PTK2: variants seen among roughly 807,000 people sequenced by gnomAD.
PTK2 encodes focal adhesion kinase 1.
PTK2 carries 45 observed loss-of-function variants against 150.1 expected under a neutral mutation model. The ratio of observed to expected loss-of-function variants is 0.30; its 90% CI spans 0.24 to 0.38. The LOEUF is 0.38. Ranked by LOEUF, PTK2 falls within the 10% of genes least tolerant of loss-of-function variation. The pLI, the probability that PTK2 is intolerant of heterozygous loss-of-function variation, is 1.00. For synonymous variants in PTK2, 432 were observed against 449.2 expected, an observed-to-expected ratio of 0.96 and a Z score of 0.48; for missense variants, 919 against 1,307.3, an observed-to-expected ratio of 0.70 and a Z score of 4.58.
At chr8:140,990,152 C>G (rs1053721925) in intron 1 of PTK2, among the ~76,000 whole-genome samples, 12 of 152,054 alleles carry the variant, frequency 7.9e-5, no homozygotes, top group African/African-American at 2.7e-4. Flanking sequence ...TACTACAGGC[C>G]AAGCACTCTT....
At chr8:140,764,108 T>A in intron 15 of PTK2, 126 bp downstream of exon 17, 1 of 834,516 alleles carries the variant, frequency 1.2e-6, no homozygotes, top group South Asian at 1.4e-5. Flanking sequence ...TTGAAAAGAA[T>A]ATTTCTGTTC....
intron 18 of PTK2, 40 bp downstream of exon 21, chr8:140,746,720 A>C: frequency 2.1e-6 from 3 of 1,455,388 alleles, no homozygotes; most frequent in Non-Finnish European, 2.8e-6. Flanking sequence ...AAAGATATCA[A>C]ACGCTGAGTC....
intron 2 of PTK2, among the ~76,000 whole-genome samples, chr8:140,895,765 A>G (rs2100155944): frequency 6.6e-6 from 1 of 152,168 alleles, no homozygotes; most frequent in Non-Finnish European, 1.5e-5. Flanking sequence ...GAGGTGATGG[A>G]TACCCCATTT....
At chr8:140,937,598 A>AC (rs912717553) in intron 1 of PTK2, among the ~76,000 whole-genome samples, 13 of 151,776 alleles carry the variant, frequency 8.6e-5, no homozygotes, top group Middle Eastern at 3.4e-3. Context: ...AAAAAAAAAA[A>AC]ACACAAAAAA....
At position 140,881,253 on chromosome 8, in the gene PTK2, A is replaced by T. The variant is rs532509115; in HGVS notation, c.196-1616T>A. 6.6e-5 allele frequency among the ~76,000 whole-genome samples: 10 copies of T among 152,312 alleles called. 1 individual carries two copies. The highest frequency in any genetic ancestry group is 2.0e-4 in the Admixed American group (3 of 15,302). ...ATCCAGCTGAGGGTGAAAAGAGTCC[A>T]CGTTCTAGTCTTTAAACCTTGTGCT... On this transcript the variant is annotated intron_variant, in intron 3 of 31. Transcript: ENST00000522684.
At chr8:140,666,328 A>G (rs1476700697) in intron 30 of PTK2, among the ~76,000 whole-genome samples, 1 of 152,162 alleles carries the variant, frequency 6.6e-6, no homozygotes. Context: ...CCTGGGTGAC[A>G]GAATGAGACT....
intron 1 of PTK2, among the ~76,000 whole-genome samples, chr8:140,999,735 T>C (rs1343063297): frequency 6.6e-6 from 1 of 152,192 alleles, no homozygotes; most frequent in Admixed American, 6.5e-5. Flanking sequence ...TCATTACCCG[T>C]TTCCCAAATA....
intron 1 of PTK2, among the ~76,000 whole-genome samples, chr8:140,996,852 T>A (rs143111935): frequency 1.2e-3 from 182 of 152,308 alleles, no homozygotes; most frequent in South Asian, 2.5e-3. Context: ...TAACACCACA[T>A]CCATTCTACA....
At chr8:140,921,752 ATAAG>A (rs1293952409) in intron 2 of PTK2, among the ~76,000 whole-genome samples, 2 of 152,224 alleles carry the variant, frequency 1.3e-5, no homozygotes, top group Admixed American at 6.5e-5. Context: ...GTTTCAAAAC[ATAAG>A]TGAGTAATAA....
intron 8 of PTK2, among the ~76,000 whole-genome samples, chr8:140,827,020 C>T (rs2100112188): frequency 6.6e-6 from 1 of 152,186 alleles, no homozygotes; most frequent in Non-Finnish European, 1.5e-5. Context: ...CACATCTCAT[C>T]TTCCTTAATC....
At chr8:140,995,684 CTG>C (rs2100197429) in intron 1 of PTK2, among the ~76,000 whole-genome samples, 1 of 151,852 alleles carries the variant, frequency 6.6e-6, no homozygotes, top group Admixed American at 6.6e-5. Context: ...TGGTGCATGC[CTG>C]TAGTCCCAGC....
intron 12 of PTK2, 147 bp downstream of exon 12, chr8:140,800,312 A>C (rs1388585920): frequency 7.1e-6 from 5 of 702,878 alleles, no homozygotes; most frequent in Non-Finnish European, 1.2e-5. Flanking sequence ...CCCTAGAAAA[A>C]TAAGTCCTCA....
intron 14 of PTK2, among the ~76,000 whole-genome samples, chr8:140,788,994 T>C (rs919537213): frequency 2.8e-4 from 42 of 152,266 alleles, no homozygotes; most frequent in African/African-American, 8.4e-4. Flanking sequence ...ACACACTTAA[T>C]TGCACCAGCA....
chr8:140,789,464 A>G lies in PTK2; in HGVS notation c.1177+10T>C. Reference sequence around the variant, plus strand: ...GTGCTTTTCGAGGTCTGCTACCTAGAGCCCCTTACCTGACACAGAGACGGC... The same window carrying G: ...GTGCTTTTCGAGGTCTGCTACCTAGGGCCCCTTACCTGACACAGAGACGGC... On this transcript the variant is annotated intron_variant, in intron 14 of 31. Transcript: ENST00000522684. 1 of 1,612,668 alleles carries G rather than the reference A, an allele frequency of 6.2e-7. No homozygotes were observed. The highest frequency in any genetic ancestry group is 2.2e-5 in the East Asian group (1 of 44,832).
At chr8:140,691,799 T>G (rs553868365) in intron 26 of PTK2, among the ~76,000 whole-genome samples, 1 of 152,214 alleles carries the variant, frequency 6.6e-6, no homozygotes, top group African/African-American at 2.4e-5. Flanking sequence ...ATTGTGCACA[T>G]AGATGTGTAG....
chr8:140,742,358 T>C (rs1180012957), intron 20 of PTK2, among the ~76,000 whole-genome samples: 1 of 152,224 alleles, frequency 6.6e-6, no homozygotes, highest in Non-Finnish European at 1.5e-5. Flanking sequence ...GAGTATGGTT[T>C]TGTGTACAAG....
chr8:140,723,802 C>T (rs1470071382), intron 22 of PTK2, among the ~76,000 whole-genome samples: 1 of 152,196 alleles, frequency 6.6e-6, no homozygotes, highest in Non-Finnish European at 1.5e-5. Flanking sequence ...TATTGATCCA[C>T]GTGCACCACT....
intron 2 of PTK2, among the ~76,000 whole-genome samples, chr8:140,924,074 A>T (rs890158940): frequency 2.0e-5 from 3 of 152,132 alleles, no homozygotes; most frequent in Non-Finnish European, 2.9e-5. Context: ...GCCGTGCGTG[A>T]TATGGCTCCC....
At chr8:140,766,333 G>A (rs923331508) in intron 14 of PTK2, among the ~76,000 whole-genome samples, 5 of 152,144 alleles carry the variant, frequency 3.3e-5, no homozygotes, top group African/African-American at 4.8e-5. Flanking sequence ...CAGTGGCAGT[G>A]ACCTCCAACT....
Sources: gnomAD v4.1 joint callset for allele counts (sites outside exome capture counted in the v4.1 genomes callset) on GRCh38, gnomAD v4.1.1 for gene constraint, MANE v1.5 for transcripts, NCBI Gene and HGNC (gene_info 2026-07-23, HGNC 2026-07-21) for gene names.